The following KAZN variants were observed in gnomAD, a reference collection of about 807,000 sequenced individuals.
The protein encoded by KAZN is kazrin.
Under a neutral mutation model 87.4 loss-of-function variants are expected in KAZN, and 40 were observed. The observed-to-expected ratio is 0.46, with a 90% CI of 0.36 to 0.60. The LOEUF (loss-of-function observed/expected upper bound fraction) is 0.60. Ranked by LOEUF, KAZN falls within the 20% of genes least tolerant of loss-of-function variation. The pLI is 0.00. For synonymous variants in KAZN, 466 were observed against 458.3 expected, an observed-to-expected ratio of 1.02 and a Z score of -0.22; for missense variants, 898 against 1,073.9, an observed-to-expected ratio of 0.84 and a Z score of 2.29.
intron 2 of KAZN, among the ~76,000 whole-genome samples, chr1:14,506,020 A>G (rs563816108): frequency 6.6e-6 from 1 of 152,292 alleles, no homozygotes; most frequent in South Asian, 2.1e-4. Context: ...TTGCTCCACA[A>G]TGTGAATGTA....
At chr1:14,964,801 G>A (rs532865602) in intron 2 of KAZN, among the ~76,000 whole-genome samples, 38 of 152,228 alleles carry the variant, frequency 2.5e-4, no homozygotes, top group South Asian at 1.5e-3. Flanking sequence ...AATGAGACCC[G>A]AAATTTCTAG....
intron 2 of KAZN, among the ~76,000 whole-genome samples, chr1:14,312,505 C>T (rs1655371932): frequency 2.6e-5 from 4 of 152,290 alleles, no homozygotes; most frequent in Admixed American, 1.3e-4. Context: ...CAATCTCTCT[C>T]ACCTGGTAGG....
At chr1:14,726,668 TAGA>T (rs576891119) in intron 1 of KAZN, among the ~76,000 whole-genome samples, 109 of 152,342 alleles carry the variant, frequency 7.2e-4, no homozygotes, top group Non-Finnish European at 1.2e-3. Flanking sequence ...TTGCAATTCC[TAGA>T]AGGTCAGACA....
At chr1:14,476,458 A>G (rs1668729986) in intron 2 of KAZN, among the ~76,000 whole-genome samples, 1 of 152,158 alleles carries the variant, frequency 6.6e-6, no homozygotes, top group African/African-American at 2.4e-5. Context: ...ATTAGATTAA[A>G]TATGTTTCCC....
Position 15,043,311 on chromosome 1 carries a change from C to T in KAZN, c.556-678C>T, listed in dbSNP as rs983479635. Among the ~76,000 whole-genome samples, 3 of 152,274 alleles carry T rather than the reference C, an allele frequency of 2.0e-5. No individual in the cohort carries two copies. In the East Asian group the frequency reaches 5.8e-4, roughly 29 times the overall value. ...CAAAGCCCCAGAACAACTATTGCAC[C>T]CTAACTTCTGTCAGACTGTGTTAAG... On this transcript the variant is annotated intron_variant, in intron 3 of 14. Transcript: ENST00000376030.
intron 1 of KAZN, among the ~76,000 whole-genome samples, chr1:14,647,335 T>A (rs1236038427): frequency 6.6e-6 from 1 of 151,932 alleles, no homozygotes; most frequent in African/African-American, 2.4e-5. Flanking sequence ...CTTGCTAAAT[T>A]TTCTGCTTCA....
In KAZN at chr1:14,418,751, C is replaced by T. The variant is rs368962349; in HGVS notation, c.250-180232C>T. 2.2e-3 allele frequency among the ~76,000 whole-genome samples: 342 copies of T among 152,314 alleles called. 7 individuals are homozygous for T. The South Asian group carries it at 0.024, about 11-fold the overall frequency. ...CAAGTAGGGCAGGCCAAAGGACTCT[C>T]CCTAGCTCTGAAGCCAGACCCTTCT... On this transcript the variant is annotated intron_variant, in intron 2 of 16. Coordinates refer to the KAZN transcript ENST00000636203.
chr1:14,545,684 T>C (rs1003401701), intron 2 of KAZN, among the ~76,000 whole-genome samples: 1 of 152,142 alleles, frequency 6.6e-6, no homozygotes, highest in Non-Finnish European at 1.5e-5. Context: ...AACAAAGTTG[T>C]ATTGTTCATC....
intron 2 of KAZN, among the ~76,000 whole-genome samples, chr1:14,465,831 T>G (rs945691555): frequency 9.2e-5 from 14 of 152,210 alleles, no homozygotes; most frequent in African/African-American, 3.1e-4. Context: ...ATCCATTATA[T>G]AGTTATGCAC....
chr1:14,069,348 C>G (rs150355224), intron 1 of KAZN, among the ~76,000 whole-genome samples: 32 of 152,244 alleles, frequency 2.1e-4, no homozygotes, highest in African/African-American at 7.0e-4. Context: ...GGAATGACAC[C>G]TTCTACACAA....
intron 2 of KAZN, among the ~76,000 whole-genome samples, chr1:14,300,105 G>A (rs968462093): frequency 6.6e-6 from 1 of 152,062 alleles, no homozygotes; most frequent in African/African-American, 2.4e-5. Context: ...AAAGTGTTTG[G>A]GGTCATCCTG....
chr1:14,129,331 C>G (rs571675587), intron 1 of KAZN, among the ~76,000 whole-genome samples: 1 of 152,218 alleles, frequency 6.6e-6, no homozygotes, highest in African/African-American at 2.4e-5. Flanking sequence ...GATCCCTGTG[C>G]CCCTATGGAG....
chr1:14,447,748 G>A (rs777076975), intron 2 of KAZN, among the ~76,000 whole-genome samples: 13 of 152,064 alleles, frequency 8.5e-5, no homozygotes, highest in Non-Finnish European at 1.6e-4. Flanking sequence ...GGGAGGGGGC[G>A]CTGTCCTAAG....
intron 3 of KAZN, among the ~76,000 whole-genome samples, chr1:15,035,445 G>T (rs973586297): frequency 3.9e-5 from 6 of 152,308 alleles, no homozygotes; most frequent in Admixed American, 3.3e-4. Flanking sequence ...TGGGCTCTGT[G>T]GGGTGAATAG....
At chr1:14,681,667 T>A in intron 1 of KAZN, among the ~76,000 whole-genome samples, 6 of 11,300 alleles carry the variant, frequency 5.3e-4, no homozygotes, top group African/African-American at 1.7e-3. Flanking sequence ...ATTTTTTTTT[T>A]TTTTTTTTTT....
intron 1 of KAZN, among the ~76,000 whole-genome samples, chr1:14,815,331 G>A (rs1435518851): frequency 6.6e-6 from 1 of 152,150 alleles, no homozygotes; most frequent in Non-Finnish European, 1.5e-5. Flanking sequence ...CGGTGTCGTT[G>A]GCAGTCCTCT....
intron 2 of KAZN, among the ~76,000 whole-genome samples, chr1:14,526,424 G>T (rs997990602): frequency 2.0e-5 from 3 of 152,260 alleles, no homozygotes; most frequent in Middle Eastern, 3.4e-3. Context: ...CTGGGTTACA[G>T]CCATGTGCCA....
rs78670422 is a variant in KAZN at position 15,104,950 on chromosome 1, T to A, written c.2048+761T>A. On this transcript the variant is annotated intron_variant, in intron 13 of 14. Coordinates refer to ENST00000376030, the MANE Select transcript of KAZN (RefSeq NM_201628.3). Reference sequence around the variant, plus strand: ...TTTGTCCTTTATTCTATCAATATGGTGTATTATATTGATTGATTGAATTTC... The same window carrying A: ...TTTGTCCTTTATTCTATCAATATGGAGTATTATATTGATTGATTGAATTTC... Among the ~76,000 whole-genome samples the A allele has an allele frequency of 7.0e-4, 107 of 152,318 alleles. 1 individual carries two copies. The East Asian group carries it at 0.019, about 28-fold the overall frequency.
At chr1:14,943,166 G>A (rs1041567246) in intron 1 of KAZN, among the ~76,000 whole-genome samples, 1 of 151,646 alleles carries the variant, frequency 6.6e-6, no homozygotes, top group African/African-American at 2.4e-5. Context: ...TGACCTTTGT[G>A]AATTGTGGGC....
Sources: allele counts gnomAD v4.1 joint callset (sites outside exome capture counted in the v4.1 genomes callset), GRCh38; gene constraint gnomAD v4.1.1; transcripts MANE v1.5; gene names NCBI Gene and HGNC (gene_info 2026-07-23, HGNC 2026-07-21).